The following EFCAB6 variants were observed in gnomAD, a reference collection of about 807,000 sequenced individuals.
EFCAB6 encodes the protein EF-hand calcium binding domain 6.
Under a neutral mutation model 169.8 loss-of-function variants are expected in EFCAB6, and 156 were observed. The ratio of observed to expected loss-of-function variants is 0.92; its 90% CI spans 0.81 to 1.05. The LOEUF is 1.05. EFCAB6 is among the 50% of genes least tolerant of loss of function. The probability of loss-of-function intolerance (pLI) is 0.00; values close to 1 mark genes in which losing one functional copy is unlikely to be tolerated. For missense variants in EFCAB6, 1,800 were observed against 1,829.1 expected (o/e 0.98, Z 0.29); for synonymous variants, 698 against 676.4 (o/e 1.03, Z -0.50).
chr22:43,780,004 C>A (rs1236386853), intron 3 of EFCAB6, among the ~76,000 whole-genome samples: 1 of 152,052 alleles, frequency 6.6e-6, no homozygotes, highest in East Asian at 1.9e-4. Context: ...AAAAGTTAAC[C>A]TTACTATTGA....
intron 13 of EFCAB6, among the ~76,000 whole-genome samples, chr22:43,673,961 C>T (rs919693913): frequency 2.5e-4 from 37 of 147,226 alleles, no homozygotes; most frequent in Admixed American, 2.4e-3. Flanking sequence ...AGCAAGACTC[C>T]GTCTCAAAAA....
intron 27 of EFCAB6, chr22:43,553,146 ATG>A (rs2048481452): frequency 6.6e-6 from 1 of 152,114 alleles, no homozygotes; most frequent in Non-Finnish European, 1.5e-5. Flanking sequence ...ACGCTTCCCT[ATG>A]AATACTTCCA....
intron 28 of EFCAB6, among the ~76,000 whole-genome samples, chr22:43,538,388 T>C (rs1173657906): frequency 6.6e-6 from 1 of 152,072 alleles, no homozygotes; most frequent in Non-Finnish European, 1.5e-5. Flanking sequence ...TTTTTGTTTT[T>C]TTGTTTTTTT....
In EFCAB6 at chr22:43,763,299, A is replaced by G. The variant is rs909897849; in HGVS notation, c.440+2006T>C. Among the ~76,000 whole-genome samples the G allele has an allele frequency of 7.9e-5, 12 of 152,036 alleles. No individual in the cohort carries two copies. The East Asian group carries it at 2.3e-3, about 29-fold the overall frequency. ...GGTGATCTGCCCACTTCGGCCTCCC[A>G]AAGTGCTGGGATTACAGGCACGAGC... On this transcript the variant is annotated intron_variant, in intron 5 of 31. Coordinates refer to ENST00000262726, the MANE Select transcript of EFCAB6 (RefSeq NM_022785.4).
chr22:43,570,226 C>T (rs1383613602), intron 26 of EFCAB6: 1 of 152,078 alleles, frequency 6.6e-6, no homozygotes, highest in Non-Finnish European at 1.5e-5. Context: ...TGGCTCTCTG[C>T]TTGCTAGAAT....
chr22:43,629,175 T>C (rs1343673647), intron 19 of EFCAB6, among the ~76,000 whole-genome samples: 3 of 152,204 alleles, frequency 2.0e-5, no homozygotes, highest in Non-Finnish European at 2.9e-5. Context: ...AGGGACAAGC[T>C]AGATGCTATG....
At chr22:43,797,864 A>G (rs1242732176) in intron 2 of EFCAB6, among the ~76,000 whole-genome samples, 1 of 151,908 alleles carries the variant, frequency 6.6e-6, no homozygotes, top group Non-Finnish European at 1.5e-5. Flanking sequence ...CAGTCCCTCA[A>G]ATGTGCTCAT....
chr22:43,714,597 G>A (rs943062664), intron 9 of EFCAB6, among the ~76,000 whole-genome samples: 21 of 151,340 alleles, frequency 1.4e-4, no homozygotes, highest in African/African-American at 4.1e-4. Flanking sequence ...AAAGAATTCC[G>A]GCTGACTCCA....
intron 27 of EFCAB6, chr22:43,554,641 T>C: frequency 1.8e-6 from 1 of 546,414 alleles, no homozygotes; most frequent in South Asian, 2.3e-5. Flanking sequence ...AATTTGATTT[T>C]AAAGGCAACA....
At chr22:43,664,546 A>G (rs1305287153) in intron 17 of EFCAB6, among the ~76,000 whole-genome samples, 3 of 152,224 alleles carry the variant, frequency 2.0e-5, no homozygotes, top group Non-Finnish European at 2.9e-5. Flanking sequence ...GGTGGACTGC[A>G]TTTGCAATGG....
At chr22:43,755,392 T>C (rs61688185) in intron 6 of EFCAB6, among the ~76,000 whole-genome samples, 2,895 of 152,370 alleles carry the variant, frequency 0.019, 92 homozygotes, top group African/African-American at 0.064. Context: ...ATTTTTACTA[T>C]GCAGCTCTTG....
At chr22:43,708,191 G>A (rs1426870586) in intron 10 of EFCAB6, among the ~76,000 whole-genome samples, 2 of 151,968 alleles carry the variant, frequency 1.3e-5, no homozygotes, top group Admixed American at 6.5e-5. Context: ...CAGATCACCT[G>A]AGGTCAGGAG....
intron 21 of EFCAB6, among the ~76,000 whole-genome samples, chr22:43,611,391 G>T (rs1455443764): frequency 6.6e-6 from 1 of 152,132 alleles, no homozygotes; most frequent in Non-Finnish European, 1.5e-5. Context: ...CATGGATTGG[G>T]ATAATCAATA....
chr22:43,645,578 G>C (rs571241404), intron 17 of EFCAB6, among the ~76,000 whole-genome samples: 150 of 152,318 alleles, frequency 9.8e-4, no homozygotes, highest in Non-Finnish European at 1.5e-3. Flanking sequence ...CTATGGCTTT[G>C]TAACAATTGC....
chr22:43,755,735 G>C, intron 6 of EFCAB6, 31 bp downstream of exon 6: 1 of 1,561,194 alleles, frequency 6.4e-7, no homozygotes, highest in South Asian at 1.2e-5. Context: ...GGTGGGGTGG[G>C]GGGAAATCAT....
At chr22:43,612,609 C>G (rs375676112) in intron 21 of EFCAB6, among the ~76,000 whole-genome samples, 1 of 152,092 alleles carries the variant, frequency 6.6e-6, no homozygotes, top group East Asian at 1.9e-4. Context: ...ACTAAAAAGT[C>G]GGCCAGGTGT....
chr22:43,554,587 G>A (rs2048584199), intron 27 of EFCAB6: 1 of 440,678 alleles, frequency 2.3e-6, no homozygotes, highest in South Asian at 2.6e-5. Context: ...CCTCCGGGAT[G>A]CTCCAGGGAA....
intron 6 of EFCAB6, among the ~76,000 whole-genome samples, chr22:43,751,195 A>AT (rs942386401): frequency 5.3e-5 from 8 of 152,170 alleles, no homozygotes; most frequent in African/African-American, 9.6e-5. Flanking sequence ...TGAAGAACGT[A>AT]TTTTTTTTGT....
intron 24 of EFCAB6, among the ~76,000 whole-genome samples, chr22:43,584,483 C>T (rs1305013464): frequency 1.3e-5 from 2 of 152,020 alleles, no homozygotes; most frequent in African/African-American, 2.4e-5. Flanking sequence ...AGGAGTCTCA[C>T]TAGCTTCTCA....
Sources: allele counts gnomAD v4.1 joint callset (sites outside exome capture counted in the v4.1 genomes callset), GRCh38; gene constraint gnomAD v4.1.1; transcripts MANE v1.5; gene names NCBI Gene and HGNC (gene_info 2026-07-23, HGNC 2026-07-21).